Variants in DSP observed in about 807,000 individuals in gnomAD.
DSP encodes desmoplakin, also known as 250/210 kDa paraneoplastic pemphigus antigen.
Under a neutral mutation model 290.6 loss-of-function variants are expected in DSP, and 114 were observed. The ratio of observed to expected loss-of-function variants is 0.39; its 90% CI spans 0.34 to 0.46. The LOEUF is 0.46. Ranked by LOEUF, DSP falls within the 20% of genes least tolerant of loss-of-function variation. The pLI is 0.99. For synonymous variants in DSP, 1,311 were observed against 1,316.4 expected (o/e 1.00, Z 0.09); for missense variants, 3,230 against 3,495.8 (o/e 0.92, Z 1.92).
In DSP at chr6:7,542,097, C is replaced by A; in HGVS notation, c.170+12C>A. 2 of 1,554,816 alleles carry A rather than the reference C, an allele frequency of 1.3e-6. No homozygotes were observed. Among genetic ancestry groups the A allele is most frequent in the African/African-American group, 2.7e-5 (2 of 73,390 alleles). ...TCGGACGGCTACTGGTGGGTACCTG[C>A]CCGGAGAGCGCGGGCTGCGGGGCTC... is the stretch of plus-strand genomic sequence containing the variant. On this transcript the variant is annotated intron_variant, in intron 1 of 23. Coordinates refer to ENST00000379802, the MANE Select transcript of DSP (RefSeq NM_004415.4).
intron 17 of DSP, among the ~76,000 whole-genome samples, chr6:7,575,052 C>A (rs1469590080): frequency 6.6e-6 from 1 of 152,064 alleles, no homozygotes; most frequent in Non-Finnish European, 1.5e-5. Context: ...TGTGGGACTT[C>A]TTAGAAACTT....
Position 7,582,528 on chromosome 6 carries a change from T to C in DSP, c.5380-114T>C, listed in dbSNP as rs1759469879. The C allele has an allele frequency of 1.0e-6, 1 of 1,002,088 alleles. No homozygotes were observed. The highest frequency in any genetic ancestry group is 3.1e-4 in the Middle Eastern group (1 of 3,184). The allele number at this position is 1,002,088 out of a possible 1,614,324, so 62.1% of individuals were successfully genotyped here. A position where few individuals can be genotyped will look rare whatever the true frequency, so the allele number is the denominator to read the frequency against. ...CCAGGGACAATATAGAAAGAAAAAA[T>C]AAGCAAGGCTTTTTTTTTTAAAGAT... On this transcript the variant is annotated intron_variant, in intron 23 of 23. Coordinates refer to ENST00000379802, the MANE Select transcript of DSP (RefSeq NM_004415.4). This position sits in a 1 kb window ranked among gnomAD's most constrained non-coding sequence, Gnocchi z 4.2.
In DSP at chr6:7,567,885, G is replaced by A; in HGVS notation, c.1245G>A (p.Leu415=). 6.2e-7 allele frequency: 1 copy of A among 1,613,938 alleles called. No homozygotes were observed. Among genetic ancestry groups the A allele is most frequent in the Admixed American group, 1.7e-5 (1 of 60,004 alleles). Residue 415 remains leucine, a synonymous_variant, in exon 10 of 24, where the codon CTG becomes CTA. Coordinates refer to ENST00000379802, the MANE Select transcript of DSP (RefSeq NM_004415.4). ...AGAACATGCCCCTGCAGCACCTGCT[G>A]GAACAGATCAAGGAGCTGGAGGTAT... is the stretch of plus-strand genomic sequence containing the variant. ...CDKNMPLQHL[L]EQIKELEKER...
At position 7,541,884 on chromosome 6, in the gene DSP, G is replaced by A; in HGVS notation, c.-32G>A. Reference sequence around the variant, plus strand: ...GCCGGCCCGCCTCGCTTATGCCTCGGCGCTGAGCCGCTCTCCCGATTGCCC... The same window carrying A: ...GCCGGCCCGCCTCGCTTATGCCTCGACGCTGAGCCGCTCTCCCGATTGCCC... On this transcript the variant is annotated 5_prime_UTR_variant, in exon 1 of 24. Transcript: ENST00000379802. 1 of 1,596,500 alleles carries A rather than the reference G, an allele frequency of 6.3e-7. No individual in the cohort carries two copies. The highest frequency in any genetic ancestry group is 8.5e-7 in the Non-Finnish European group (1 of 1,173,932).
At chr6:7,571,275 G>T in intron 13 of DSP, 108 bp from the exon 14 acceptor site, 1 of 1,001,424 alleles carries the variant, frequency 1.0e-6, no homozygotes, top group East Asian at 2.4e-5. Flanking sequence ...CCTGTGATGA[G>T]TGTTGCTTTG....
chr6:7,542,890 A>T (rs2744389), intron 1 of DSP, among the ~76,000 whole-genome samples: 3 of 149,652 alleles, frequency 2.0e-5, no homozygotes, highest in African/African-American at 7.3e-5. Context: ...CTTGGATCGC[A>T]GAGCGCCGGC....
intron 1 of DSP, among the ~76,000 whole-genome samples, chr6:7,552,562 C>T (rs1380191096): frequency 3.6e-5 from 4 of 112,576 alleles, no homozygotes; most frequent in Non-Finnish European, 5.8e-5. Context: ...GACTCCATCT[C>T]GGAAAAAAAA....
chr6:7,554,062 C>T (rs1232917242), intron 1 of DSP, among the ~76,000 whole-genome samples: 1 of 136,364 alleles, frequency 7.3e-6, no homozygotes, highest in East Asian at 2.2e-4. Flanking sequence ...TTTTTTTAAA[C>T]AGTGAAATTC....
At chr6:7,556,148 A>G (rs1052255498) in intron 2 of DSP, among the ~76,000 whole-genome samples, 12 of 152,174 alleles carry the variant, frequency 7.9e-5, no homozygotes, top group African/African-American at 2.9e-4. Context: ...GCAACCTGGC[A>G]TGTTTCTGTT....
At chr6:7,571,243 A>C in intron 13 of DSP, 140 bp from the exon 14 acceptor site, 1 of 843,146 alleles carries the variant, frequency 1.2e-6, no homozygotes, top group South Asian at 1.4e-5. Flanking sequence ...AAAACCTAAA[A>C]GACCTTTTAT....
At position 7,578,562 on chromosome 6, in the gene DSP, G is replaced by A. The variant is rs964949139; in HGVS notation, c.3084G>A (p.Lys1028=). 9 of 1,610,662 alleles carry A rather than the reference G, an allele frequency of 5.6e-6. No individual in the cohort carries two copies. Among genetic ancestry groups the A allele is most frequent in the African/African-American group, 1.3e-5 (1 of 74,798 alleles). The change falls in exon 22 of 24, where the codon AAG becomes AAA. Residue 1028 remains lysine (K), a splice_region_variant and synonymous_variant. Coordinates refer to ENST00000379802, the MANE Select transcript of DSP (RefSeq NM_004415.4). ...TGCTGAAGAGTTTGGAAGATCTGAA[G>A]GTAATTTATACTGTCTTTTCTTGTA... ...SEMLKSLEDL[K]LKNTKIEVLE...
chr6:7,541,693 C>T lies in DSP; in HGVS notation c.-223C>T. On this transcript the variant is annotated 5_prime_UTR_variant, in exon 1 of 24. Coordinates refer to ENST00000379802, the MANE Select transcript of DSP (RefSeq NM_004415.4). ...GCTCCTCTGCGCCCTTGCCGCCCTC[C>T]GAGCCACAGCTTTCCTCCCGCTCCT... is the stretch of plus-strand genomic sequence containing the variant. The T allele has an allele frequency of 2.8e-5, 16 of 581,528 alleles. No individual in the cohort carries two copies. In the South Asian group the frequency reaches 3.6e-4, roughly 13 times the overall value. 36.0% of individuals were successfully genotyped at this position (581,528 alleles called of 1,614,324 possible).
intron 15 of DSP, 101 bp downstream of exon 15, chr6:7,572,169 T>A: frequency 9.2e-7 from 1 of 1,091,024 alleles, no homozygotes; most frequent in Non-Finnish European, 1.3e-6. Context: ...GGCAAAAATA[T>A]TAACTTTCAA....
At chr6:7,576,883 G>A in intron 19 of DSP, 76 bp from the exon 20 acceptor site, 3 of 1,270,100 alleles carry the variant, frequency 2.4e-6, no homozygotes, top group Admixed American at 1.8e-5. Flanking sequence ...AATAACAGTG[G>A]TAAAAGAGTG....
chr6:7,544,977 A>G (rs1758130341), intron 1 of DSP, among the ~76,000 whole-genome samples: 1 of 152,232 alleles, frequency 6.6e-6, no homozygotes, highest in Non-Finnish European at 1.5e-5. Flanking sequence ...GTTTTCAATT[A>G]CAGCAGAATT....
chr6:7,569,361 A>G (rs1758973432), intron 12 of DSP, 21 bp downstream of exon 12: 9 of 1,614,070 alleles, frequency 5.6e-6, no homozygotes, highest in Non-Finnish European at 5.9e-6. Flanking sequence ...CAAGTTCCCA[A>G]AGCCACGCAT....
intron 1 of DSP, among the ~76,000 whole-genome samples, chr6:7,542,508 C>T (rs2113630695): frequency 6.6e-6 from 1 of 152,342 alleles, no homozygotes; most frequent in South Asian, 2.1e-4. Context: ...GGCCCCGGTC[C>T]TGTCTGGTGG....
Position 7,569,309 on chromosome 6 carries a change from C to A in DSP, c.1543C>A (p.Pro515Thr). 1 of 1,614,076 alleles carries A rather than the reference C, an allele frequency of 6.2e-7. No individual in the cohort carries two copies. Among genetic ancestry groups the A allele is most frequent in the Non-Finnish European group, 8.5e-7 (1 of 1,179,956 alleles). ...CTCTGTGGGGCTGATCATCCCTCCT[C>A]CGAACCCACTGGCCGTGGACCTCTC... The part of the protein sequence containing the change: ...VPSVGLIIPP[P>T]NPLAVDLSCK... Residue 515 changes from proline (P) to threonine (T), a missense_variant, in exon 12 of 24, where the codon CCG becomes ACG. By Grantham distance (38) the Pro-to-Thr change is conservative (BLOSUM62 -1). This residue lies in a region of DSP where 646 missense variants were observed against 684.3 expected (regional missense o/e 0.94). Transcript: ENST00000379802.
chr6:7,581,188 G>T lies in DSP; in HGVS notation c.4998G>T (p.Arg1666=). 6.2e-7 allele frequency: 1 copy of T among 1,614,188 alleles called. No individual in the cohort carries two copies. Residue 1666 remains arginine (R), a synonymous_variant, in exon 23 of 24, where the codon CGG becomes CGT. Transcript: ENST00000379802. The part of the protein sequence containing the change: ...RLSSEVEALR[R]QLLQEQESVK... ...CTTCTGAGGTCGAGGCCCTGAGGCG[G>T]CAGTTACTCCAGGAACAGGAAAGTG...
Sources: gnomAD v4.1 joint callset for allele counts (sites outside exome capture counted in the v4.1 genomes callset) on GRCh38, gnomAD v4.1.1 for gene constraint, gnomAD v4.1.1 regional missense constraint, Gnocchi (gnomAD v3.1) non-coding constraint, MANE v1.5 for transcripts, NCBI Gene and HGNC (gene_info 2026-07-23, HGNC 2026-07-21) for gene names.